ANO10: variants seen among roughly 807,000 people sequenced by gnomAD.
ANO10 encodes anoctamin-10.
In ANO10, 77 loss-of-function variants were observed where a neutral mutation model predicts 74.7. The ratio of observed to expected loss-of-function variants is 1.03; its 90% confidence interval spans 0.86 to 1.25. The LOEUF is 1.25. ANO10 is among the 50% of genes most tolerant of loss of function. ANO10 has a pLI of 0.00. For missense variants in ANO10, 721 were observed against 778.1 expected, an observed-to-expected ratio of 0.93 and a Z score of 0.87; for synonymous variants, 279 against 284.9, an observed-to-expected ratio of 0.98 and a Z score of 0.21.
chr3:43,598,482 T>G lies in ANO10; in HGVS notation c.472+50A>C, dbSNP rs201359203. ...TAAGAGGGAAAAAAGGCATCTATAA[T>G]TTGCTATTTATGTCTATTAAGAAAA... On this transcript the variant is annotated intron_variant, in intron 4 of 12. Transcript: ENST00000292246. 2.5e-6 allele frequency: 4 copies of G among 1,584,634 alleles called. No individual in the cohort carries two copies. The African/African-American group carries it at 4.0e-5, about 16-fold the overall frequency.
chr3:43,577,657 C>G (rs1024338518), intron 5 of ANO10, among the ~76,000 whole-genome samples: 10 of 152,214 alleles, frequency 6.6e-5, no homozygotes, highest in African/African-American at 2.4e-4. Flanking sequence ...CCACTTTTCT[C>G]CCACTTAGTG....
At chr3:43,424,992 C>T (rs1294264017) in intron 12 of ANO10, among the ~76,000 whole-genome samples, 2 of 151,980 alleles carry the variant, frequency 1.3e-5, no homozygotes, top group Non-Finnish European at 2.9e-5. Flanking sequence ...ACTTGGGGCC[C>T]CAGGAAGTAG....
intron 1 of ANO10, among the ~76,000 whole-genome samples, chr3:43,616,907 T>C (rs79233745): frequency 0.039 from 5,921 of 151,896 alleles, 163 homozygotes; most frequent in Non-Finnish European, 0.058. Context: ...CCCCTCTCTT[T>C]GGGTTATTCC....
At chr3:43,598,234 A>G (rs965989458) in intron 4 of ANO10, among the ~76,000 whole-genome samples, 2 of 152,200 alleles carry the variant, frequency 1.3e-5, no homozygotes, top group Admixed American at 1.3e-4. Context: ...TTTCATGTAC[A>G]ATGTTAGGGC....
chr3:43,667,826 T>C (rs1235835358), intron 1 of ANO10, among the ~76,000 whole-genome samples: 1 of 152,224 alleles, frequency 6.6e-6, no homozygotes, highest in African/African-American at 2.4e-5. Flanking sequence ...CACTGCATTT[T>C]CTTTATCCGC....
At chr3:43,405,663 G>A (rs2092563365) in intron 12 of ANO10, among the ~76,000 whole-genome samples, 2 of 151,902 alleles carry the variant, frequency 1.3e-5, no homozygotes, top group South Asian at 2.1e-4. Context: ...TTGTAGAGAC[G>A]AGGTCTCACC....
At chr3:43,549,880 G>T in intron 10 of ANO10, 32 bp from the exon 11 acceptor site, 2 of 1,611,186 alleles carry the variant, frequency 1.2e-6, no homozygotes. Flanking sequence ...ATTAAAAATT[G>T]CAATGACTGC....
At chr3:43,454,781 A>G (rs1336502742) in intron 11 of ANO10, among the ~76,000 whole-genome samples, 1 of 152,208 alleles carries the variant, frequency 6.6e-6, no homozygotes, top group Non-Finnish European at 1.5e-5. Context: ...TCAAAATAAT[A>G]TGAAAGAAGA....
At chr3:43,538,148 T>C (rs897366155) in intron 11 of ANO10, among the ~76,000 whole-genome samples, 46 of 152,088 alleles carry the variant, frequency 3.0e-4, no homozygotes, top group Admixed American at 1.9e-3. Context: ...AAAATTTCAG[T>C]ATAAAAAAAA....
intron 11 of ANO10, among the ~76,000 whole-genome samples, chr3:43,446,152 C>G (rs2093242884): frequency 6.6e-6 from 1 of 152,194 alleles, no homozygotes; most frequent in African/African-American, 2.4e-5. Context: ...TCATGTCCCA[C>G]ATTTTATTGT....
At chr3:43,510,425 C>A (rs2077466088) in intron 11 of ANO10, among the ~76,000 whole-genome samples, 1 of 75,480 alleles carries the variant, frequency 1.3e-5, no homozygotes. Context: ...TAGTGAAACT[C>A]TGTCTCAAAA....
intron 7 of ANO10, among the ~76,000 whole-genome samples, chr3:43,566,795 G>C (rs1278528758): frequency 1.3e-5 from 2 of 152,214 alleles, no homozygotes; most frequent in Admixed American, 6.5e-5. Context: ...TCCTCCAAAG[G>C]AACGCAGTTC....
chr3:43,647,536 C>T (rs1321377452), intron 1 of ANO10, among the ~76,000 whole-genome samples: 5 of 152,152 alleles, frequency 3.3e-5, no homozygotes, highest in Non-Finnish European at 4.4e-5. Flanking sequence ...ACTCAGACTA[C>T]TGATTCAAAT....
At chr3:43,657,885 G>A (rs1394099420) in intron 1 of ANO10, among the ~76,000 whole-genome samples, 2 of 152,118 alleles carry the variant, frequency 1.3e-5, no homozygotes, top group Non-Finnish European at 2.9e-5. Context: ...TTTATTTATT[G>A]TGTGGAAAAA....
rs572359923 is a variant in ANO10, at chr3:43,421,179, C to T, written c.1914+11432G>A. The stretch of plus-strand genomic sequence containing the variant: ...TGGAAGTTGCAGGGAACCCAGATTG[C>T]GCCACCACACTCCAGGGTAGATGAC... On this transcript the variant is annotated intron_variant, in intron 12 of 12. Transcript: ENST00000292246. Among the ~76,000 whole-genome samples the T allele has an allele frequency of 3.4e-4, 52 of 151,740 alleles. No individual in the cohort carries two copies. In the South Asian group the frequency reaches 9.2e-3, roughly 27 times the overall value.
At chr3:43,497,727 TG>T (rs917520734) in intron 11 of ANO10, among the ~76,000 whole-genome samples, 2 of 152,096 alleles carry the variant, frequency 1.3e-5, no homozygotes, top group African/African-American at 4.8e-5. Flanking sequence ...GTGGTTTGCA[TG>T]GGGGAGGGAA....
At chr3:43,427,357 G>A (rs1449672461) in intron 12 of ANO10, among the ~76,000 whole-genome samples, 1 of 152,072 alleles carries the variant, frequency 6.6e-6, no homozygotes, top group Non-Finnish European at 1.5e-5. Context: ...CTTCGATTTA[G>A]GGAAGAAGAA....
intron 11 of ANO10, among the ~76,000 whole-genome samples, chr3:43,449,695 C>T (rs763581855): frequency 1.8e-4 from 28 of 151,756 alleles, no homozygotes; most frequent in Non-Finnish European, 3.4e-4. Flanking sequence ...ATTACTGTAG[C>T]TTTACAGCAA....
At chr3:43,632,966 C>A (rs1216915605) in intron 1 of ANO10, among the ~76,000 whole-genome samples, 1 of 152,082 alleles carries the variant, frequency 6.6e-6, no homozygotes, top group African/African-American at 2.4e-5. Context: ...ATAACAGCAA[C>A]CTTTAGATCA....
Sources: gnomAD v4.1 joint callset for allele counts (sites outside exome capture counted in the v4.1 genomes callset) on GRCh38, gnomAD v4.1.1 for gene constraint, MANE v1.5 for transcripts, NCBI Gene and HGNC (gene_info 2026-07-23, HGNC 2026-07-21) for gene names.